Variants in KIAA0586 observed in about 807,000 individuals in gnomAD.
The protein encoded by KIAA0586 is KIAA0586.
A neutral mutation model predicts 169.8 loss-of-function variants in KIAA0586; 144 were observed. That is an observed-to-expected ratio of 0.85 (90% CI 0.74 to 0.97). The LOEUF (loss-of-function observed/expected upper bound fraction) is 0.97. KIAA0586 is among the 50% of genes least tolerant of loss of function. KIAA0586 has a pLI of 0.00. For missense variants in KIAA0586, 1,854 were observed against 1,823.0 expected (o/e 1.02, Z -0.31); for synonymous variants, 625 against 612.4 (o/e 1.02, Z -0.30).
chr14:58,518,874 A>G (rs1280698320), intron 29 of KIAA0586, among the ~76,000 whole-genome samples: 1 of 152,194 alleles, frequency 6.6e-6, no homozygotes, highest in African/African-American at 2.4e-5. Flanking sequence ...GCCCACACCT[A>G]TAATCCCAAC....
At chr14:58,438,712 T>C (rs372953156) in intron 4 of KIAA0586, among the ~76,000 whole-genome samples, 1 of 152,180 alleles carries the variant, frequency 6.6e-6, no homozygotes, top group African/African-American at 2.4e-5. Flanking sequence ...GAGGAAGTGC[T>C]AGAAGAACAG....
intron 5 of KIAA0586, among the ~76,000 whole-genome samples, chr14:58,443,671 C>T (rs1331277011): frequency 2.0e-5 from 3 of 152,160 alleles, no homozygotes; most frequent in Non-Finnish European, 4.4e-5. Context: ...GATCTGCCTG[C>T]CTTGGCCTCC....
intron 29 of KIAA0586, among the ~76,000 whole-genome samples, chr14:58,537,849 G>A (rs2012396): frequency 0.4 from 61,230 of 151,406 alleles, 12,559 homozygotes; most frequent in African/African-American, 0.49. Context: ...GGGTTTCACC[G>A]TGTTAGCCAG....
chr14:58,466,315 G>A (rs1280749558), intron 15 of KIAA0586, among the ~76,000 whole-genome samples: 2 of 152,110 alleles, frequency 1.3e-5, no homozygotes, highest in Non-Finnish European at 2.9e-5. Flanking sequence ...GTTTTTGTGG[G>A]GAAGGCCTCA....
intron 30 of KIAA0586, among the ~76,000 whole-genome samples, chr14:58,545,002 T>C (rs544296146): frequency 1.3e-5 from 2 of 152,386 alleles, no homozygotes; most frequent in Admixed American, 6.5e-5. Flanking sequence ...CATTTAAGTA[T>C]TCCTATACAT....
At chr14:58,479,417 A>G (rs756429879) in intron 20 of KIAA0586, among the ~76,000 whole-genome samples, 10 of 152,146 alleles carry the variant, frequency 6.6e-5, no homozygotes, top group Non-Finnish European at 1.3e-4. Flanking sequence ...TTCTGGATAC[A>G]AGTCCTTTAT....
chr14:58,470,879 T>A (rs911473360), intron 17 of KIAA0586, among the ~76,000 whole-genome samples, 156 bp downstream of exon 17: 2 of 151,868 alleles, frequency 1.3e-5, no homozygotes, highest in Non-Finnish European at 2.9e-5. Flanking sequence ...TCAGTCAGAG[T>A]CTTGCTCTGT....
chr14:58,520,439 A>G (rs942056398), intron 29 of KIAA0586, among the ~76,000 whole-genome samples: 3 of 152,178 alleles, frequency 2.0e-5, no homozygotes, highest in African/African-American at 7.2e-5. Flanking sequence ...TATAAGTGGA[A>G]TCATACAAGA....
chr14:58,471,794 A>G (rs1244683757), intron 17 of KIAA0586, among the ~76,000 whole-genome samples: 2 of 151,824 alleles, frequency 1.3e-5, no homozygotes, highest in African/African-American at 2.4e-5. Flanking sequence ...TAAAATGACT[A>G]TTTTGTTTTT....
chr14:58,444,794 A>T (rs946786539), intron 6 of KIAA0586, among the ~76,000 whole-genome samples: 1 of 151,920 alleles, frequency 6.6e-6, no homozygotes, highest in Non-Finnish European at 1.5e-5. Context: ...GGGAATGTGC[A>T]CTAGAATTAC....
At chr14:58,515,688 G>T (rs2044703057) in intron 29 of KIAA0586, among the ~76,000 whole-genome samples, 1 of 152,106 alleles carries the variant, frequency 6.6e-6, no homozygotes, top group Non-Finnish European at 1.5e-5. Flanking sequence ...ATAGGGAGGG[G>T]TTGGGGCACA....
intron 3 of KIAA0586, among the ~76,000 whole-genome samples, chr14:58,432,109 A>G (rs1406984330): frequency 1.3e-5 from 2 of 152,070 alleles, no homozygotes; most frequent in African/African-American, 2.4e-5. Context: ...TACTGTATTG[A>G]AAAGAGTGGT....
chr14:58,529,901 G>C (rs1297461460), intron 29 of KIAA0586, among the ~76,000 whole-genome samples: 1 of 152,160 alleles, frequency 6.6e-6, no homozygotes, highest in Non-Finnish European at 1.5e-5. Flanking sequence ...CAAATAGGAA[G>C]GGAGGAAGTC....
intron 29 of KIAA0586, among the ~76,000 whole-genome samples, chr14:58,530,483 CCAAAACAGATATATAGACCAATGGAA>C (rs1378457084): frequency 6.6e-6 from 1 of 151,686 alleles, no homozygotes; most frequent in Non-Finnish European, 1.5e-5. Context: ...GGTACTGGTA[CCAAAACAGATATATAGACCAATGGAA>C]CAAAACAGAG....
Position 58,470,481 on chromosome 14 carries a change from AAACTT to A in KIAA0586, c.2443-129_2443-125del, listed in dbSNP as rs1686620889. On this transcript the variant is annotated intron_variant, in intron 16 of 30. Transcript: ENST00000652326. ...TTGTTATCCATTGGGTTCACAATAA[AAACTT>A]AAAGGGCATGCTTTGTTTTTATGTA... 7.7e-6 allele frequency: 3 copies of A among 390,492 alleles called. No homozygotes were observed. In the South Asian group the frequency reaches 3.1e-4, roughly 41 times the overall value. 24.2% of individuals were successfully genotyped at this position (390,492 alleles called of 1,614,324 possible).
Position 58,487,122 on chromosome 14 carries a change from A to T in KIAA0586, c.3260A>T (p.Asp1087Val). ...KTPDSSPCDS[D>V]HDMAFPVKEI... ...CCAGATTCTTCTCCCTGTGATTCGG[A>T]TCATGATATGGCTTTTCCTGTGAAA... The change falls in exon 22 of 31, where the codon GAT (aspartate) becomes GTT (valine). Residue 1087 changes from aspartate (D) to valine (V), a missense_variant. Asp to Val is a radical substitution (Grantham distance 152). Coordinates refer to ENST00000652326, the MANE Select transcript of KIAA0586 (RefSeq NM_001329943.3). The T allele has an allele frequency of 1.2e-6, 2 of 1,613,778 alleles. No homozygotes were observed. Among genetic ancestry groups the T allele is most frequent in the South Asian group, 2.2e-5 (2 of 91,070 alleles).
chr14:58,483,247 T>G (rs1051395458), intron 21 of KIAA0586, among the ~76,000 whole-genome samples: 1 of 152,244 alleles, frequency 6.6e-6, no homozygotes, highest in African/African-American at 2.4e-5. Flanking sequence ...ATGATTGGCC[T>G]CTTGCAGTTC....
intron 4 of KIAA0586, chr14:58,441,765 C>T (rs2038397452): frequency 6.6e-6 from 1 of 152,524 alleles, no homozygotes; most frequent in African/African-American, 2.4e-5. Context: ...TCGTGAGTAG[C>T]TGGGATTACA....
Position 58,488,701 on chromosome 14 carries a change from T to C in KIAA0586, c.3608T>C (p.Phe1203Ser). The change falls in exon 24 of 31, where the codon TTT (phenylalanine) becomes TCT (serine). Residue 1203 changes from phenylalanine (F) to serine (S), a missense_variant. Transcript: ENST00000652326. The stretch of plus-strand genomic sequence containing the variant: ...CCTCCACCTCCAGAGCCAGTTCCCT[T>C]TATGCCATTTCCTGCCGGCACCAAG... ...AQPPPPEPVPFMPFPAGTKAP... is the reference protein window; with the variant it reads ...AQPPPPEPVPSMPFPAGTKAP... 6.2e-7 allele frequency: 1 copy of C among 1,613,832 alleles called. No individual in the cohort carries two copies. The highest frequency in any genetic ancestry group is 8.5e-7 in the Non-Finnish European group (1 of 1,179,836).
Sources: allele counts gnomAD v4.1 joint callset (sites outside exome capture counted in the v4.1 genomes callset), GRCh38; gene constraint gnomAD v4.1.1; transcripts MANE v1.5; gene names NCBI Gene and HGNC (gene_info 2026-07-23, HGNC 2026-07-21).